Variants in MN1 observed in about 807,000 individuals in gnomAD.
MN1 encodes transcriptional activator MN1.
A neutral mutation model predicts 86.9 loss-of-function variants in MN1; 19 were observed. The ratio of observed to expected loss-of-function variants is 0.22; its 90% confidence interval spans 0.15 to 0.32. The LOEUF (loss-of-function observed/expected upper bound fraction) is 0.32. MN1 is among the 10% of genes least tolerant of loss of function. The pLI is 1.00. For synonymous variants in MN1, 928 were observed against 849.6 expected (o/e 1.09, Z -1.60); for missense variants, 1,841 against 1,862.0 (o/e 0.99, Z 0.21).
At chr22:27,767,896 G>A (rs1350782580) in intron 1 of MN1, among the ~76,000 whole-genome samples, 2 of 152,154 alleles carry the variant, frequency 1.3e-5, no homozygotes, top group South Asian at 2.1e-4. Context: ...AGCATTTCAT[G>A]TATATTACTT....
Position 27,795,072 on chromosome 22 carries a change from A to G in MN1, c.3781+1691T>C, listed in dbSNP as rs1351855226. On this transcript the variant is annotated intron_variant, in intron 1 of 1. Coordinates refer to ENST00000302326, the MANE Select transcript of MN1 (RefSeq NM_002430.3). ...CAACTCGATTTTAAAAAGGGGGGGA[A>G]AAAAGGGAGAAGAAGCTGAGGGTCC... Among the ~76,000 whole-genome samples, 3 of 151,160 alleles carry G rather than the reference A, an allele frequency of 2.0e-5. No homozygotes were observed. The South Asian group carries it at 6.3e-4, about 32-fold the overall frequency.
rs1254861114 is a variant in MN1, at chr22:27,799,854, C to T, written c.690G>A (p.Ser230=). ...CCTCGCCCGGGTAATTGTATTCCAG[C>T]GAGTCGACGGCTCCTTGGTTCGTCA... ...RRVTNQGAVD[S]LEYNYPGEAP... The change falls in exon 1 of 2, where the codon TCG becomes TCA. Residue 230 remains serine (S), a synonymous_variant. Transcript: ENST00000302326. 6.2e-7 allele frequency: 1 copy of T among 1,601,256 alleles called. No individual in the cohort carries two copies.
Position 27,780,618 on chromosome 22 carries a change from T to A in MN1, c.3781+16145A>T, listed in dbSNP as rs1488801387. 2.0e-5 allele frequency among the ~76,000 whole-genome samples: 3 copies of A among 152,208 alleles called. No individual in the cohort carries two copies. In the South Asian group the frequency reaches 6.2e-4, roughly 32 times the overall value. On this transcript the variant is annotated intron_variant, in intron 1 of 1. Transcript: ENST00000302326. ...AAAAGTAGAATCACCAGAACACTAG[T>A]GGCTGGCTCCTCGTCATCACTCAGG...
chr22:27,774,321 T>C lies in MN1; in HGVS notation c.3781+22442A>G, dbSNP rs919114330. On this transcript the variant is annotated intron_variant, in intron 1 of 1. Coordinates refer to ENST00000302326, the MANE Select transcript of MN1 (RefSeq NM_002430.3). The stretch of plus-strand genomic sequence containing the variant: ...TAAAGGCAGAGCCATGAAGCAAATC[T>C]CCCTCCCCTCGCCCTGAAGACTTGA... Among the ~76,000 whole-genome samples, 3 of 152,042 alleles carry C rather than the reference T, an allele frequency of 2.0e-5. 1 individual carries two copies.
rs760096510 is a variant in MN1 at position 27,799,160 on chromosome 22, G to T, written c.1384C>A (p.Pro462Thr). 6.2e-7 allele frequency: 1 copy of T among 1,606,718 alleles called. No homozygotes were observed. Among genetic ancestry groups the T allele is most frequent in the Non-Finnish European group, 8.5e-7 (1 of 1,174,932 alleles). The part of the protein sequence containing the change: ...NVAKRPRFDF[P>T]GSAGVDRCAS... The stretch of plus-strand genomic sequence containing the variant: ...CAGCGGTCCACTCCCGCGCTGCCCG[G>T]AAAGTCGAAGCGCGGCCTCTTGGCC... Residue 462 changes from proline (P) to threonine (T), a missense_variant, in exon 1 of 2, where the codon CCG becomes ACG. Physicochemically the swap from Pro to Thr is conservative, Grantham distance 38 (BLOSUM62 -1). Transcript: ENST00000302326.
chr22:27,799,828 GCCTCGC>G lies in MN1; in HGVS notation c.710_715del (p.Gly237_Glu238del). On this transcript the variant is annotated inframe_deletion, in exon 1 of 2. Coordinates refer to ENST00000302326, the MANE Select transcript of MN1 (RefSeq NM_002430.3). ...AAACATGTCAAAATGTCCCGAGGGC[GCCTCGC>G]CCGGGTAATTGTATTCCAGCGAGTC... The G allele has an allele frequency of 6.3e-7, 1 of 1,596,480 alleles. No individual in the cohort carries two copies. Among genetic ancestry groups the G allele is most frequent in the Non-Finnish European group, 8.5e-7 (1 of 1,170,560 alleles).
intron 1 of MN1, among the ~76,000 whole-genome samples, chr22:27,775,810 G>A (rs1160909442): frequency 6.6e-6 from 1 of 152,220 alleles, no homozygotes; most frequent in African/African-American, 2.4e-5. Context: ...GGGCCCCAAA[G>A]GGTTAAGCTC....
At position 27,798,924 on chromosome 22, in the gene MN1, TTGCTGCTGC is replaced by T; in HGVS notation, c.1611_1619del (p.Gln548_Gln550del). ...GCTGCTGCTGCTGTTGCTGTTGCTG[TTGCTGCTGC>T]TGCTGCTGCTGTTGCTGCTGCTGCT... On this transcript the variant is annotated inframe_deletion, in exon 1 of 2. Coordinates refer to ENST00000302326, the MANE Select transcript of MN1 (RefSeq NM_002430.3). 1 of 1,519,868 alleles carries T rather than the reference TTGCTGCTGC, an allele frequency of 6.6e-7. No individual in the cohort carries two copies. Among genetic ancestry groups the T allele is most frequent in the Non-Finnish European group, 8.9e-7 (1 of 1,122,020 alleles). 94.1% of individuals were successfully genotyped at this position (1,519,868 alleles called of 1,614,324 possible).
chr22:27,771,413 A>C (rs936239539), intron 1 of MN1, among the ~76,000 whole-genome samples: 1 of 151,660 alleles, frequency 6.6e-6, no homozygotes, highest in Non-Finnish European at 1.5e-5. Context: ...AGAGGTTGGT[A>C]GGGGGGTCTC....
chr22:27,778,598 G>A (rs778630754), intron 1 of MN1, among the ~76,000 whole-genome samples: 31 of 152,184 alleles, frequency 2.0e-4, no homozygotes, highest in South Asian at 2.1e-4. Flanking sequence ...CTTAATCCTC[G>A]CCACGACCCC....
intron 1 of MN1, among the ~76,000 whole-genome samples, chr22:27,773,385 G>A (rs1254943475): frequency 6.6e-6 from 1 of 152,220 alleles, no homozygotes; most frequent in Non-Finnish European, 1.5e-5. Context: ...AGAGAGGGAG[G>A]CCGCAGGCCA....
chr22:27,798,220 C>A lies in MN1; in HGVS notation c.2324G>T (p.Ser775Ile). The A allele has an allele frequency of 2.6e-6, 4 of 1,525,140 alleles. No homozygotes were observed. The highest frequency in any genetic ancestry group is 3.5e-6 in the Non-Finnish European group (4 of 1,145,402). The allele number at this position is 1,525,140 out of a possible 1,614,324, so 94.5% of individuals were successfully genotyped here. ...ACCCCCGCCACCGCCGCCACCAGAG[C>A]TGCCACCGCCCCCTCCCGCGCTGGG... Reference protein sequence around the residue: ...SPPSAGGGGGSSGGGGGGGAY... With the variant: ...SPPSAGGGGGISGGGGGGGAY... Residue 775 changes from serine (S) to isoleucine (I), a missense_variant, in exon 1 of 2, where the codon AGC (serine) becomes ATC (isoleucine). Coordinates refer to ENST00000302326, the MANE Select transcript of MN1 (RefSeq NM_002430.3).
intron 1 of MN1, among the ~76,000 whole-genome samples, chr22:27,759,280 T>G (rs527994194): frequency 7.2e-5 from 11 of 152,238 alleles, no homozygotes; most frequent in African/African-American, 2.2e-4. Flanking sequence ...CTTGGCTGCC[T>G]GTGCACACTT....
At position 27,797,558 on chromosome 22, in the gene MN1, C is replaced by G. The variant is rs1933323211; in HGVS notation, c.2986G>C (p.Gly996Arg). The change falls in exon 1 of 2, where the codon GGG becomes CGG. Residue 996 changes from glycine (G) to arginine (R), a missense_variant. Transcript: ENST00000302326. ...VGGSSAGETR[G>R]APTPHEKALT... ...GCCTTTTCGTGGGGCGTCGGTGCCC[C>G]GCGCGTCTCGCCTGCGGAGCTTCCC... is the stretch of plus-strand genomic sequence containing the variant. 3 of 1,607,276 alleles carry G rather than the reference C, an allele frequency of 1.9e-6. No homozygotes were observed. Among genetic ancestry groups the G allele is most frequent in the Non-Finnish European group, 2.5e-6 (3 of 1,177,752 alleles).
intron 1 of MN1, among the ~76,000 whole-genome samples, chr22:27,769,352 C>A (rs903885956): frequency 6.6e-6 from 1 of 151,878 alleles, no homozygotes; most frequent in East Asian, 1.9e-4. Flanking sequence ...AAGTAAATTG[C>A]CTGAAGTCAG....
intron 1 of MN1, among the ~76,000 whole-genome samples, chr22:27,792,949 C>G (rs1933234468): frequency 6.6e-6 from 1 of 152,126 alleles, no homozygotes; most frequent in South Asian, 2.1e-4. Flanking sequence ...TCTTGCCTGC[C>G]TAGGATTGCT....
At chr22:27,771,189 A>C (rs976068543) in intron 1 of MN1, among the ~76,000 whole-genome samples, 5 of 150,620 alleles carry the variant, frequency 3.3e-5, no homozygotes, top group Non-Finnish European at 7.4e-5. Flanking sequence ...CCCATGAGCT[A>C]AGAATGTTTT....
At chr22:27,762,749 G>A (rs946840933) in intron 1 of MN1, among the ~76,000 whole-genome samples, 1 of 151,846 alleles carries the variant, frequency 6.6e-6, no homozygotes, top group Non-Finnish European at 1.5e-5. Flanking sequence ...ACTCTGCCTG[G>A]CAAGTGGTAA....
Position 27,797,164 on chromosome 22 carries a change from G to A in MN1, c.3380C>T (p.Pro1127Leu), listed in dbSNP as rs1413806935. The A allele has an allele frequency of 1.9e-6, 3 of 1,560,886 alleles. No individual in the cohort carries two copies. The highest frequency in any genetic ancestry group is 1.2e-5 in the South Asian group (1 of 86,254). The part of the protein sequence containing the change: ...SYGGGGGPGH[P>L]GTPGLEQVRT... ...GACCTGCTCCAGGCCCGGAGTGCCC[G>A]GATGGCCCGGGCCCCCACCGCCGCC... Residue 1127 changes from proline to leucine, a missense_variant, in exon 1 of 2, where the codon CCG (proline) becomes CTG (leucine). Pro to Leu is a moderately conservative substitution (Grantham distance 98, BLOSUM62 -3). Transcript: ENST00000302326.
Sources: gnomAD v4.1 joint callset for allele counts (sites outside exome capture counted in the v4.1 genomes callset) on GRCh38, gnomAD v4.1.1 for gene constraint, MANE v1.5 for transcripts, NCBI Gene and HGNC (gene_info 2026-07-23, HGNC 2026-07-21) for gene names.